The following CREB5 variants were observed in gnomAD, a reference collection of about 807,000 sequenced individuals.
CREB5 encodes cAMP responsive element binding protein 5, also known as cyclic AMP-responsive element-binding protein 5.
In CREB5, 19 loss-of-function variants were observed where a neutral mutation model predicts 57.1. That is an observed-to-expected ratio of 0.33 (90% CI 0.23 to 0.49). The LOEUF is 0.49. CREB5 is among the 20% of genes least tolerant of loss of function. The probability of loss-of-function intolerance (pLI) is 0.99; values close to 1 mark genes in which losing one functional copy is unlikely to be tolerated. For synonymous variants in CREB5, 238 were observed against 238.3 expected (o/e 1.00, Z 0.01); for missense variants, 579 against 671.6 (o/e 0.86, Z 1.52).
chr7:28,322,363 G>A (rs1373789133), intron 1 of CREB5, among the ~76,000 whole-genome samples: 1 of 152,136 alleles, frequency 6.6e-6, no homozygotes, highest in East Asian at 1.9e-4. Context: ...CATGGAAGCA[G>A]AGTCCATTTA....
At chr7:28,624,041 C>A (rs765411283) in intron 5 of CREB5, among the ~76,000 whole-genome samples, 30 of 152,102 alleles carry the variant, frequency 2.0e-4, no homozygotes, top group Non-Finnish European at 3.8e-4. Flanking sequence ...CTGGATTCAT[C>A]CCTTAAATAA....
In CREB5 at chr7:28,570,440, C is replaced by T; in HGVS notation, c.367C>T (p.Pro123Ser). The T allele has an allele frequency of 6.2e-7, 1 of 1,614,152 alleles. No individual in the cohort carries two copies. The highest frequency in any genetic ancestry group is 1.3e-5 in the African/African-American group (1 of 75,048). Residue 123 changes from proline to serine, a missense_variant, in exon 5 of 11, where the codon CCC (proline) becomes TCC (serine). Coordinates refer to ENST00000357727, the MANE Select transcript of CREB5 (RefSeq NM_182898.4). ...TCACCAGCTTAGCAGCGCTCGGCTG[C>T]CCAACCATGACACCAACGTTGTGAT... ...GTHQLSSARLPNHDTNVVIQQ... is the reference protein window; with the variant it reads ...GTHQLSSARLSNHDTNVVIQQ...
At chr7:28,744,339 T>C (rs1184906175) in intron 7 of CREB5, among the ~76,000 whole-genome samples, 1 of 132,056 alleles carries the variant, frequency 7.6e-6, no homozygotes, top group Non-Finnish European at 1.6e-5. Flanking sequence ...CTTTAGTACC[T>C]CTTTTTTTTT....
At position 28,819,765 on chromosome 7, in the gene CREB5, T is replaced by C. The variant is rs1157632322; in HGVS notation, c.*486T>C. ...CAGAATTCCAGATAAACACACAGCC[T>C]TTCCCATACCTTTTTTTTTCTTACT... On this transcript the variant is annotated 3_prime_UTR_variant, in exon 11 of 11. Coordinates refer to ENST00000357727, the MANE Select transcript of CREB5 (RefSeq NM_182898.4). The C allele has an allele frequency of 1.3e-5, 2 of 152,980 alleles. No individual in the cohort carries two copies. The highest frequency in any genetic ancestry group is 6.5e-5 in the Admixed American group (1 of 15,326). The allele number at this position is 152,980 out of a possible 1,614,324, so 9.5% of individuals were successfully genotyped here.
chr7:28,530,809 C>T (rs1327037260), intron 4 of CREB5, among the ~76,000 whole-genome samples: 2 of 152,224 alleles, frequency 1.3e-5, no homozygotes, highest in African/African-American at 2.4e-5. Flanking sequence ...CATCTCCACC[C>T]GCAGTCCTGC....
chr7:28,536,263 C>T (rs1022263885), intron 4 of CREB5, among the ~76,000 whole-genome samples: 4 of 152,160 alleles, frequency 2.6e-5, no homozygotes, highest in Non-Finnish European at 5.9e-5. Context: ...GTGGGAAAAG[C>T]GTGCCTTGGA....
chr7:28,485,735 A>G (rs1791519367), intron 1 of CREB5, among the ~76,000 whole-genome samples: 1 of 152,122 alleles, frequency 6.6e-6, no homozygotes, highest in Non-Finnish European at 1.5e-5. Context: ...ATTTAAACGA[A>G]TTTACTAGAA....
intron 1 of CREB5, among the ~76,000 whole-genome samples, chr7:28,303,603 T>C (rs1296915230): frequency 6.6e-6 from 1 of 152,240 alleles, no homozygotes; most frequent in Non-Finnish European, 1.5e-5. Context: ...GCATGGTTGC[T>C]GAAGATGAAC....
At chr7:28,674,379 T>C (rs777743062) in intron 5 of CREB5, among the ~76,000 whole-genome samples, 1 of 152,220 alleles carries the variant, frequency 6.6e-6, no homozygotes, top group Non-Finnish European at 1.5e-5. Flanking sequence ...CTGAAGTGAC[T>C]GTTGTACTGA....
intron 5 of CREB5, among the ~76,000 whole-genome samples, chr7:28,575,200 A>G (rs1795859712): frequency 6.6e-6 from 1 of 152,232 alleles, no homozygotes; most frequent in Admixed American, 6.5e-5. Context: ...AAAGCTGATT[A>G]CATCTCAAAA....
chr7:28,442,859 C>A (rs570282609), intron 1 of CREB5, among the ~76,000 whole-genome samples: 17 of 152,300 alleles, frequency 1.1e-4, no homozygotes, highest in African/African-American at 4.1e-4. Flanking sequence ...CTATTACATT[C>A]TCTTTTTGAA....
At chr7:28,347,783 C>T (rs915441491) in intron 1 of CREB5, among the ~76,000 whole-genome samples, 1 of 152,196 alleles carries the variant, frequency 6.6e-6, no homozygotes, top group African/African-American at 2.4e-5. Context: ...AAAGATTCAG[C>T]TGTAGCAGCA....
Position 28,783,776 on chromosome 7 carries a change from A to C in CREB5, c.703-20423A>C, listed in dbSNP as rs568991422. Among the ~76,000 whole-genome samples, 16 of 152,296 alleles carry C rather than the reference A, an allele frequency of 1.1e-4. No homozygotes were observed. In the South Asian group the frequency reaches 3.3e-3, roughly 32 times the overall value. ...AAACCTCATCCACTGCATGGGAATT[A>C]ACTCTAACCGGTAGCCTCAGTGAAA... On this transcript the variant is annotated intron_variant, in intron 7 of 10. Coordinates refer to ENST00000357727, the MANE Select transcript of CREB5 (RefSeq NM_182898.4).
At chr7:28,326,177 CTATCTAT>C (rs1785598481) in intron 1 of CREB5, among the ~76,000 whole-genome samples, 1 of 149,422 alleles carries the variant, frequency 6.7e-6, no homozygotes, top group Non-Finnish European at 1.5e-5. Context: ...ATCTATCTAT[CTATCTAT>C]CTATCTATCT....
intron 1 of CREB5, among the ~76,000 whole-genome samples, chr7:28,440,730 T>C (rs528072759): frequency 6.6e-6 from 1 of 152,328 alleles, no homozygotes; most frequent in Admixed American, 6.5e-5. Context: ...AGATTGGAGT[T>C]CACACCATTT....
At chr7:28,306,272 T>G (rs1361174042) in intron 1 of CREB5, among the ~76,000 whole-genome samples, 1 of 152,206 alleles carries the variant, frequency 6.6e-6, no homozygotes, top group Admixed American at 6.5e-5. Context: ...TGTGTTACTC[T>G]TTTCTACACC....
intron 5 of CREB5, among the ~76,000 whole-genome samples, chr7:28,686,398 A>G (rs1431884636): frequency 2.0e-5 from 3 of 150,604 alleles, no homozygotes; most frequent in Non-Finnish European, 4.4e-5. Context: ...CCGAAGAGGC[A>G]TTTCTTTTCA....
chr7:28,620,777 G>A (rs373708862), intron 5 of CREB5, among the ~76,000 whole-genome samples: 2 of 152,126 alleles, frequency 1.3e-5, no homozygotes, highest in African/African-American at 4.8e-5. Flanking sequence ...AGAGTCAGGA[G>A]TTGTCTATAC....
At chr7:28,314,880 C>T (rs1161985153) in intron 1 of CREB5, among the ~76,000 whole-genome samples, 4 of 152,156 alleles carry the variant, frequency 2.6e-5, no homozygotes, top group Non-Finnish European at 5.9e-5. Flanking sequence ...GGCACATCAG[C>T]GTGTTGAAGG....
Sources: gnomAD v4.1 joint callset for allele counts (sites outside exome capture counted in the v4.1 genomes callset) on GRCh38, gnomAD v4.1.1 for gene constraint, MANE v1.5 for transcripts, NCBI Gene and HGNC (gene_info 2026-07-23, HGNC 2026-07-21) for gene names.